ATP8B4: variants seen among roughly 807,000 people sequenced by gnomAD.
The protein encoded by ATP8B4 is ATPase phospholipid transporting 8B4 (putative).
ATP8B4 carries 133 observed loss-of-function variants against 145.6 expected under a neutral mutation model. That is an observed-to-expected ratio of 0.91 (90% CI 0.79 to 1.05). The LOEUF (loss-of-function observed/expected upper bound fraction) is 1.05. Among genes scored for constraint, ATP8B4 ranks in the 50% least tolerant of loss-of-function variants. The pLI is 0.00. For missense variants in ATP8B4, 1,458 were observed against 1,425.2 expected (o/e 1.02, Z -0.37); for synonymous variants, 507 against 492.9 (o/e 1.03, Z -0.38).
intron 1 of ATP8B4, among the ~76,000 whole-genome samples, chr15:50,174,249 A>C (rs779244722): frequency 2.6e-5 from 4 of 152,154 alleles, no homozygotes; most frequent in Non-Finnish European, 4.4e-5. Flanking sequence ...AAGGATGCAC[A>C]CTGTCACCAC....
intron 9 of ATP8B4, among the ~76,000 whole-genome samples, chr15:49,992,623 G>C (rs957857873): frequency 1.3e-5 from 2 of 152,138 alleles, no homozygotes; most frequent in African/African-American, 2.4e-5. Context: ...TCTGGGGATA[G>C]GAGTGGGAAA....
At position 50,008,849 on chromosome 15, in the gene ATP8B4, G is replaced by A. The variant is rs2048510041; in HGVS notation, c.435+1996C>T. Reference sequence around the variant, plus strand: ...TTCACCCTTGTTAGAGCACGTTCATGGGGCTCCTAACACTCATTGTTTTTA... The same window carrying A: ...TTCACCCTTGTTAGAGCACGTTCATAGGGCTCCTAACACTCATTGTTTTTA... On this transcript the variant is annotated intron_variant, in intron 7 of 27. Coordinates refer to ENST00000284509, the MANE Select transcript of ATP8B4 (RefSeq NM_024837.4). Among the ~76,000 whole-genome samples, 6 of 152,162 alleles carry A rather than the reference G, an allele frequency of 3.9e-5. 1 individual carries two copies. The South Asian group carries it at 1.2e-3, about 31-fold the overall frequency.
intron 14 of ATP8B4, among the ~76,000 whole-genome samples, chr15:49,961,337 C>T (rs1385017518): frequency 6.6e-6 from 1 of 152,182 alleles, no homozygotes; most frequent in Non-Finnish European, 1.5e-5. Flanking sequence ...GACACTCTTA[C>T]ACTTGTTTGT....
At position 50,086,056 on chromosome 15, in the gene ATP8B4, T is replaced by G. The variant is rs1450811907; in HGVS notation, c.29-11871A>C. Among the ~76,000 whole-genome samples the G allele has an allele frequency of 1.2e-4, 13 of 108,284 alleles. No individual in the cohort carries two copies. The South Asian group carries it at 3.5e-3, about 29-fold the overall frequency. 71.0% of individuals were successfully genotyped at this position (108,284 alleles called of 152,430 possible). ...ATATATAATATAATATATAGATCTA[T>G]ATATATTATATATAATAAATATAGA... On this transcript the variant is annotated intron_variant, in intron 2 of 27. Transcript: ENST00000284509.
rs1171323864 is a variant in ATP8B4 at position 49,962,011 on chromosome 15, T to G, written c.1253A>C (p.His418Pro). ...SINGRIYGEV[H>P]DDLDQKTEIT... ...TTCTGTCTTCTGATCCAGGTCATCATGTACTTCACCTGACAAAACAAAAAT... is the reference window on the plus strand; with the variant it reads ...TTCTGTCTTCTGATCCAGGTCATCAGGTACTTCACCTGACAAAACAAAAAT... The change falls in exon 14 of 28, where the codon CAT (histidine) becomes CCT (proline). Residue 418 changes from histidine to proline, a missense_variant. Transcript: ENST00000284509. 1.3e-6 allele frequency: 2 copies of G among 1,594,106 alleles called. No individual in the cohort carries two copies. The highest frequency in any genetic ancestry group is 4.5e-5 in the East Asian group (2 of 44,142).
intron 5 of ATP8B4, among the ~76,000 whole-genome samples, chr15:50,043,103 T>C (rs769415332): frequency 2.0e-5 from 3 of 152,166 alleles, no homozygotes; most frequent in Admixed American, 6.5e-5. Flanking sequence ...ACAGGAAATA[T>C]GGGTGTGAGC....
chr15:49,862,406 G>T, intron 26 of ATP8B4, 31 bp from the exon 27 acceptor site: 1 of 1,605,496 alleles, frequency 6.2e-7, no homozygotes, highest in Non-Finnish European at 8.5e-7. Flanking sequence ...TATACACTGT[G>T]GTTACAAGTA....
chr15:49,991,114 G>A (rs893628659), intron 9 of ATP8B4, among the ~76,000 whole-genome samples: 2 of 152,084 alleles, frequency 1.3e-5, no homozygotes, highest in African/African-American at 4.8e-5. Flanking sequence ...TGTGCTGTTG[G>A]GTTGTGCTCC....
rs948573591 is a variant in ATP8B4 at position 49,987,434 on chromosome 15, G to C, written c.705C>G (p.Ile235Met). 6.2e-7 allele frequency: 1 copy of C among 1,613,842 alleles called. No individual in the cohort carries two copies. Among genetic ancestry groups the C allele is most frequent in the Non-Finnish European group, 8.5e-7 (1 of 1,179,828 alleles). The change falls in exon 10 of 28, where the codon ATC becomes ATG. Residue 235 changes from isoleucine (I) to methionine (M), a missense_variant. Transcript: ENST00000284509. ...NNEKIILRGC[I>M]LRNTSWCFGM... ...CAAAACACCAGCTGGTATTTCTCAG[G>C]ATGCAGCCTCTCAGGATTATCTTCT... is the stretch of plus-strand genomic sequence containing the variant.
rs538699611 is a variant in ATP8B4 at position 49,979,635 on chromosome 15, G to A, written c.1016C>T (p.Pro339Leu). ...SYIIILNTVV[P>L]ISLYVSVEVI... ...ATCTTACCTCACATATAAGGAAATG[G>A]GTACAACTGTATTGAGAATAATAAT... The change falls in exon 12 of 28, where the codon CCC (proline) becomes CTC (leucine). Residue 339 changes from proline (P) to leucine (L), a missense_variant. Physicochemically the swap from Pro to Leu is moderately conservative, Grantham distance 98. Transcript: ENST00000284509. 1.3e-6 allele frequency: 2 copies of A among 1,528,958 alleles called. No individual in the cohort carries two copies. The highest frequency in any genetic ancestry group is 2.5e-5 in the South Asian group (2 of 79,502). The allele number at this position is 1,528,958 out of a possible 1,614,324, so 94.7% of individuals were successfully genotyped here.
chr15:49,932,551 A>T (rs1213542524), intron 15 of ATP8B4, among the ~76,000 whole-genome samples: 1 of 152,094 alleles, frequency 6.6e-6, no homozygotes, highest in African/African-American at 2.4e-5. Flanking sequence ...ACAAACAACT[A>T]TAAAAGCATT....
In ATP8B4 at chr15:50,015,051, A is replaced by G. The variant is rs1294270034; in HGVS notation, c.363-4134T>C. 2.0e-5 allele frequency among the ~76,000 whole-genome samples: 3 copies of G among 152,230 alleles called. No homozygotes were observed. The South Asian group carries it at 6.2e-4, about 32-fold the overall frequency. On this transcript the variant is annotated intron_variant, in intron 6 of 27. Transcript: ENST00000284509. ...ACACTTACTTAATCATGGTTCATTC[A>G]CTCAATGGAATATAGTGCAGCCACT...
chr15:49,868,795 T>G (rs917341460), intron 25 of ATP8B4, among the ~76,000 whole-genome samples: 14 of 152,194 alleles, frequency 9.2e-5, no homozygotes, highest in Non-Finnish European at 1.3e-4. Flanking sequence ...GAATTTCATA[T>G]TATCTGTGGA....
At chr15:49,891,275 T>C (rs775417458) in intron 23 of ATP8B4, among the ~76,000 whole-genome samples, 2 of 151,638 alleles carry the variant, frequency 1.3e-5, no homozygotes, top group Non-Finnish European at 2.9e-5. Flanking sequence ...TCCTCACACA[T>C]TTCTCCTTTC....
intron 3 of ATP8B4, among the ~76,000 whole-genome samples, chr15:50,052,263 C>G (rs905588260): frequency 6.6e-6 from 1 of 152,276 alleles, no homozygotes; most frequent in South Asian, 2.1e-4. Flanking sequence ...AAGTACTTTC[C>G]CACCATGAAT....
chr15:50,161,373 A>C (rs1455472362), intron 1 of ATP8B4, among the ~76,000 whole-genome samples: 2 of 151,978 alleles, frequency 1.3e-5, no homozygotes, highest in African/African-American at 4.8e-5. Flanking sequence ...ATTCAATGTT[A>C]TTATTAATAG....
At chr15:49,958,430 T>A (rs66937472) in intron 14 of ATP8B4, among the ~76,000 whole-genome samples, 13,519 of 151,604 alleles carry the variant, frequency 0.089, 753 homozygotes, top group African/African-American at 0.16. Context: ...CAGAAGTTAT[T>A]GATTAAAATG....
chr15:50,153,196 G>A (rs2044368310), intron 1 of ATP8B4, among the ~76,000 whole-genome samples: 1 of 152,120 alleles, frequency 6.6e-6, no homozygotes, highest in Non-Finnish European at 1.5e-5. Flanking sequence ...TATCCTAAAG[G>A]AAAACATTGT....
At chr15:50,064,820 A>C (rs1004404215) in intron 3 of ATP8B4, among the ~76,000 whole-genome samples, 1 of 152,196 alleles carries the variant, frequency 6.6e-6, no homozygotes, top group African/African-American at 2.4e-5. Flanking sequence ...AAGGGGAAGC[A>C]GGCACATCTT....
Sources: gnomAD v4.1 joint callset for allele counts (sites outside exome capture counted in the v4.1 genomes callset) on GRCh38, gnomAD v4.1.1 for gene constraint, MANE v1.5 for transcripts, NCBI Gene and HGNC (gene_info 2026-07-23, HGNC 2026-07-21) for gene names.